Variants in PTPRD observed in about 807,000 individuals in gnomAD.
The protein encoded by PTPRD is receptor-type tyrosine-protein phosphatase delta.
In PTPRD, 34 loss-of-function variants were observed where a neutral mutation model predicts 214.5. The ratio of observed to expected loss-of-function variants is 0.16; its 90% CI spans 0.12 to 0.21. The LOEUF is 0.21. Among genes scored for constraint, PTPRD ranks in the 10% least tolerant of loss-of-function variants. The probability of loss-of-function intolerance (pLI) is 1.00; values close to 1 mark genes in which losing one functional copy is unlikely to be tolerated. For synonymous variants in PTPRD, 1,128 were observed against 845.7 expected (o/e 1.33, Z -5.79); for missense variants, 2,545 against 2,398.7 (o/e 1.06, Z -1.27).
chr9:9,185,030 T>G (rs1400872613), intron 9 of PTPRD, among the ~76,000 whole-genome samples: 2 of 152,068 alleles, frequency 1.3e-5, no homozygotes, highest in African/African-American at 4.8e-5. Flanking sequence ...GGCCTCTATT[T>G]GTGGGTTTTA....
chr9:10,123,894 C>T (rs2098795883), intron 3 of PTPRD, among the ~76,000 whole-genome samples: 1 of 152,176 alleles, frequency 6.6e-6, no homozygotes, highest in African/African-American at 2.4e-5. Context: ...TGGCAAGTAT[C>T]TGGTGAATGT....
At chr9:10,515,998 C>T (rs2049966660) in intron 2 of PTPRD, among the ~76,000 whole-genome samples, 1 of 151,780 alleles carries the variant, frequency 6.6e-6, no homozygotes, top group Non-Finnish European at 1.5e-5. Context: ...AGGTTGTTTC[C>T]ACATGTTTGT....
intron 3 of PTPRD, among the ~76,000 whole-genome samples, chr9:10,208,592 T>G (rs923061589): frequency 2.0e-5 from 3 of 152,216 alleles, no homozygotes; most frequent in Admixed American, 2.0e-4. Flanking sequence ...TCACTGCAGT[T>G]TTATCCAGAA....
In PTPRD at chr9:10,049,693, G is replaced by A. The variant is rs558570212; in HGVS notation, c.-544-15903C>T. ...AAGAATCTTCAGTAAAGAAAGACGA[G>A]TGTATACCAAGTAGGGCTGATTTTA... On this transcript the variant is annotated intron_variant, in intron 3 of 45. Transcript: ENST00000381196. 2.2e-3 allele frequency among the ~76,000 whole-genome samples: 328 copies of A among 152,290 alleles called. 2 individuals carry two copies. Among genetic ancestry groups the A allele is most frequent in the African/African-American group, 7.5e-3 (310 of 41,568 alleles).
chr9:9,619,582 CAT>C (rs1287533755), intron 7 of PTPRD, among the ~76,000 whole-genome samples: 1 of 143,914 alleles, frequency 6.9e-6, no homozygotes, highest in African/African-American at 2.5e-5. Flanking sequence ...ATTAATATAT[CAT>C]ATATGTTAGA....
intron 8 of PTPRD, among the ~76,000 whole-genome samples, chr9:9,420,335 T>C (rs1222195288): frequency 1.3e-5 from 2 of 151,862 alleles, no homozygotes; most frequent in Admixed American, 1.3e-4. Context: ...ATATAAAGCA[T>C]ATTTCTTCAT....
intron 7 of PTPRD, among the ~76,000 whole-genome samples, chr9:9,677,755 A>G (rs552109490): frequency 1.3e-5 from 2 of 152,088 alleles, no homozygotes; most frequent in South Asian, 2.1e-4. Flanking sequence ...AGGGCATTCA[A>G]TTAGGAAAAG....
At chr9:10,011,636 A>G (rs185854853) in intron 4 of PTPRD, among the ~76,000 whole-genome samples, 13 of 152,158 alleles carry the variant, frequency 8.5e-5, no homozygotes, top group Admixed American at 4.6e-4. Context: ...TTACTTAAAA[A>G]TGGGTATAAG....
At chr9:9,437,259 T>C (rs1433405426) in intron 8 of PTPRD, among the ~76,000 whole-genome samples, 1 of 152,192 alleles carries the variant, frequency 6.6e-6, no homozygotes, top group Admixed American at 6.5e-5. Context: ...TTTGAAATTC[T>C]AGATTTTTAT....
intron 11 of PTPRD, among the ~76,000 whole-genome samples, chr9:8,960,157 T>G (rs1007575553): frequency 6.6e-6 from 1 of 152,084 alleles, no homozygotes; most frequent in Non-Finnish European, 1.5e-5. Context: ...TCAATTTCCT[T>G]CTTTGTACAA....
chr9:9,909,116 G>C (rs532403163), intron 5 of PTPRD, among the ~76,000 whole-genome samples: 1 of 151,912 alleles, frequency 6.6e-6, no homozygotes, highest in Admixed American at 6.6e-5. Flanking sequence ...TTTTATTATG[G>C]AGGGAGTAGA....
chr9:10,448,056 T>C (rs1366622838), intron 2 of PTPRD, among the ~76,000 whole-genome samples: 1 of 152,044 alleles, frequency 6.6e-6, no homozygotes, highest in African/African-American at 2.4e-5. Flanking sequence ...AGTATCTCTA[T>C]TTTTTAGTTG....
intron 10 of PTPRD, among the ~76,000 whole-genome samples, chr9:9,108,983 C>A (rs534130074): frequency 2.6e-5 from 4 of 152,164 alleles, no homozygotes; most frequent in Non-Finnish European, 4.4e-5. Flanking sequence ...CCCTCTCCCC[C>A]ACTCTTTGCA....
intron 3 of PTPRD, among the ~76,000 whole-genome samples, chr9:10,207,937 T>A (rs957485806): frequency 2.0e-5 from 3 of 152,206 alleles, no homozygotes; most frequent in Non-Finnish European, 2.9e-5. Context: ...TAGCAGTGCA[T>A]CAATTCCCAC....
At chr9:9,735,827 T>C (rs575122867) in intron 6 of PTPRD, among the ~76,000 whole-genome samples, 2 of 152,304 alleles carry the variant, frequency 1.3e-5, no homozygotes, top group East Asian at 3.9e-4. Flanking sequence ...ATCTGATACA[T>C]TCTTTTATTG....
chr9:9,260,595 G>T (rs896994943), intron 9 of PTPRD, among the ~76,000 whole-genome samples: 1 of 151,736 alleles, frequency 6.6e-6, no homozygotes, highest in African/African-American at 2.4e-5. Flanking sequence ...GAAAGAGTAG[G>T]GTGAGGTAGG....
intron 8 of PTPRD, among the ~76,000 whole-genome samples, chr9:9,498,947 G>GTC (rs35624888): frequency 0.12 from 18,528 of 151,330 alleles, 1,190 homozygotes; most frequent in South Asian, 0.18. Context: ...TTCTCTCTCT[G>GTC]TCTCTCTCTC....
chr9:9,377,265 T>C (rs998376876), intron 9 of PTPRD, among the ~76,000 whole-genome samples: 1 of 152,120 alleles, frequency 6.6e-6, no homozygotes. Flanking sequence ...ACTATAACTA[T>C]ATAAGGAACA....
intron 10 of PTPRD, among the ~76,000 whole-genome samples, chr9:9,041,845 A>C (rs2099640807): frequency 6.6e-6 from 1 of 152,148 alleles, no homozygotes; most frequent in Non-Finnish European, 1.5e-5. Context: ...TCTCCTACTC[A>C]ACTGTACTGG....
Sources: allele counts gnomAD v4.1 joint callset (sites outside exome capture counted in the v4.1 genomes callset), GRCh38; gene constraint gnomAD v4.1.1; transcripts MANE v1.5; gene names NCBI Gene and HGNC (gene_info 2026-07-23, HGNC 2026-07-21).